The following SMARCA2 variants were observed in gnomAD, a reference collection of about 807,000 sequenced individuals.
The protein encoded by SMARCA2 is SWI/SNF related BAF chromatin remodeling complex subunit ATPase 2, also known as SWI/SNF-related matrix-associated actin-dependent regulator of chromatin subfamily A member 2.
In SMARCA2, 61 loss-of-function variants were observed where a neutral mutation model predicts 199.8. That is an observed-to-expected ratio of 0.31 (90% CI 0.25 to 0.38). The LOEUF is 0.38. Among genes scored for constraint, SMARCA2 ranks in the 10% least tolerant of loss-of-function variants. The probability of loss-of-function intolerance (pLI) is 1.00; values close to 1 mark genes in which losing one functional copy is unlikely to be tolerated. For synonymous variants in SMARCA2, 935 were observed against 732.0 expected, an observed-to-expected ratio of 1.28 and a Z score of -4.48; for missense variants, 1,344 against 2,012.2, an observed-to-expected ratio of 0.67 and a Z score of 6.35.
At position 2,119,123 on chromosome 9, in the gene SMARCA2, T is replaced by C. The variant is rs1035858872; in HGVS notation, c.3685-335T>C. Reference sequence around the variant, plus strand: ...CTTATTAAAATCTTACATCCCCATGTGAAATAGATGTCATACCCATATGAC... The same window carrying C: ...CTTATTAAAATCTTACATCCCCATGCGAAATAGATGTCATACCCATATGAC... On this transcript the variant is annotated intron_variant, in intron 25 of 33. Coordinates refer to ENST00000349721, the MANE Select transcript of SMARCA2 (RefSeq NM_003070.5). The surrounding 1 kb of genome is among the most constrained non-coding windows in gnomAD (Gnocchi z 4.6). Among the ~76,000 whole-genome samples the C allele has an allele frequency of 1.1e-4, 17 of 152,184 alleles. No individual in the cohort carries two copies. Among genetic ancestry groups the C allele is most frequent in the African/African-American group, 4.1e-4 (17 of 41,436 alleles).
intron 18 of SMARCA2, 82 bp downstream of exon 18, chr9:2,087,153 C>A: frequency 6.5e-7 from 1 of 1,529,040 alleles, no homozygotes; most frequent in South Asian, 1.2e-5. Flanking sequence ...ATTAGAGCCA[C>A]AGAACACCCG....
chr9:2,182,478 CTTTTT>C (rs145095906), intron 31 of SMARCA2, among the ~76,000 whole-genome samples: 1,290 of 96,710 alleles, frequency 0.013, 14 homozygotes, highest in Middle Eastern at 0.022. Context: ...AGCTTATAGT[CTTTTT>C]TTTTTTTTTT....
rs750412544 is a variant in SMARCA2, at chr9:2,070,457, G to A, written c.1732G>A (p.Gly578Arg). The part of the protein sequence containing the change: ...ENAEGGESAL[G>R]PDGEPIDESS... ...TGCAGAGGGTGGGGAGTCTGCCCTG[G>A]GACCGGATGGAGAGGTAAGGGATCG... The change falls in exon 10 of 34, where the codon GGA becomes AGA. Residue 578 changes from glycine to arginine, a missense_variant. Gly to Arg is a moderately radical substitution (Grantham distance 125). Around this residue, in one of 18 missense-constraint regions of SMARCA2, gnomAD observed 68 missense variants for 70.4 expected, o/e 0.97. Coordinates refer to ENST00000349721, the MANE Select transcript of SMARCA2 (RefSeq NM_003070.5). The A allele has an allele frequency of 6.2e-7, 1 of 1,613,564 alleles. No homozygotes were observed. The highest frequency in any genetic ancestry group is 8.5e-7 in the Non-Finnish European group (1 of 1,179,576).
At chr9:2,152,538 G>A (rs1400351309) in intron 27 of SMARCA2, among the ~76,000 whole-genome samples, 2 of 151,846 alleles carry the variant, frequency 1.3e-5, no homozygotes, top group Non-Finnish European at 2.9e-5. Flanking sequence ...GGGCAACAGA[G>A]CGAGACTCCA....
At chr9:2,097,590 G>A (rs927279449) in intron 21 of SMARCA2, 119 bp downstream of exon 21, 2 of 624,508 alleles carry the variant, frequency 3.2e-6, no homozygotes, top group Non-Finnish European at 5.6e-6. Context: ...GTTGGCGGAA[G>A]TTGAGATGAC....
intron 9 of SMARCA2, among the ~76,000 whole-genome samples, chr9:2,061,399 T>C (rs115060853): frequency 0.01 from 1,543 of 152,330 alleles, 20 homozygotes; most frequent in African/African-American, 0.035. Flanking sequence ...GAGGAAGATA[T>C]AAGCAATAGT....
chr9:2,023,570 A>G (rs996336667), intron 1 of SMARCA2, among the ~76,000 whole-genome samples: 1 of 152,200 alleles, frequency 6.6e-6, no homozygotes, highest in Non-Finnish European at 1.5e-5. Context: ...GACAGATCAC[A>G]TTATGCATTG....
chr9:2,047,064 C>G (rs1819882475), intron 4 of SMARCA2, among the ~76,000 whole-genome samples, 165 bp from the exon 5 acceptor site: 1 of 149,544 alleles, frequency 6.7e-6, no homozygotes, highest in Non-Finnish European at 1.5e-5. Context: ...CTCCCTCCCT[C>G]CTCTTCCTTC....
At chr9:2,099,752 A>G (rs560752385) in intron 21 of SMARCA2, among the ~76,000 whole-genome samples, 1 of 152,278 alleles carries the variant, frequency 6.6e-6, no homozygotes, top group South Asian at 2.1e-4. Flanking sequence ...TGTTCATACT[A>G]AATCCTGCCA....
intron 1 of SMARCA2, among the ~76,000 whole-genome samples, chr9:2,024,778 C>T (rs559162048): frequency 6.6e-6 from 1 of 152,176 alleles, no homozygotes; most frequent in Admixed American, 6.5e-5. Flanking sequence ...AAGATTCTGC[C>T]TGCGGTTTCT....
chr9:2,132,505 T>C (rs983992414), intron 27 of SMARCA2, among the ~76,000 whole-genome samples: 6 of 152,258 alleles, frequency 3.9e-5, no homozygotes, highest in Non-Finnish European at 8.8e-5. Flanking sequence ...GTTTGTAATA[T>C]TTGGCTGCAT....
chr9:2,031,389 A>G (rs936986124), intron 2 of SMARCA2, among the ~76,000 whole-genome samples: 3 of 152,220 alleles, frequency 2.0e-5, no homozygotes, highest in Non-Finnish European at 2.9e-5. Flanking sequence ...GATCTGATCA[A>G]TGACTTGTAA....
At chr9:2,030,328 C>T (rs1473405523) in intron 2 of SMARCA2, among the ~76,000 whole-genome samples, 1 of 152,088 alleles carries the variant, frequency 6.6e-6, no homozygotes, top group African/African-American at 2.4e-5. Flanking sequence ...AGTCTACAGG[C>T]TCAGACCTGA....
intron 32 of SMARCA2, among the ~76,000 whole-genome samples, 165 bp downstream of exon 32, chr9:2,186,393 C>CTCATGCTCAG (rs1455364091): frequency 4.6e-5 from 7 of 152,178 alleles, no homozygotes; most frequent in Non-Finnish European, 1.0e-4. Context: ...CTTATCCCTG[C>CTCATGCTCAG]TCATGCTCAG....
chr9:2,113,568 A>T (rs1823094900), intron 24 of SMARCA2, among the ~76,000 whole-genome samples: 2 of 152,202 alleles, frequency 1.3e-5, no homozygotes, highest in South Asian at 4.1e-4. Context: ...TTAGGGACTC[A>T]AGCTCACATT....
At chr9:2,144,873 G>A (rs1824652345) in intron 27 of SMARCA2, among the ~76,000 whole-genome samples, 1 of 152,188 alleles carries the variant, frequency 6.6e-6, no homozygotes, top group African/African-American at 2.4e-5. Flanking sequence ...TCCAGACTTA[G>A]TGGTGCCTGG....
At chr9:2,067,863 A>G (rs756470842) in intron 9 of SMARCA2, among the ~76,000 whole-genome samples, 1 of 152,254 alleles carries the variant, frequency 6.6e-6, no homozygotes, top group Non-Finnish European at 1.5e-5. Context: ...ATAACAATCT[A>G]GCTAGTCTAT....
intron 31 of SMARCA2, among the ~76,000 whole-genome samples, chr9:2,184,926 G>T (rs752023450): frequency 4.3e-4 from 66 of 151,862 alleles, no homozygotes; most frequent in Non-Finnish European, 8.4e-4. Context: ...GGTGCAAACT[G>T]CAATTTGCCC....
intron 1 of SMARCA2, chr9:2,015,837 C>T (rs1401898092): frequency 6.6e-6 from 1 of 152,374 alleles, no homozygotes; most frequent in African/African-American, 2.4e-5. Context: ...GTTGCAATCC[C>T]CCCATCCCCT....
Sources: gnomAD v4.1 joint callset for allele counts (sites outside exome capture counted in the v4.1 genomes callset) on GRCh38, gnomAD v4.1.1 for gene constraint, gnomAD v4.1.1 regional missense constraint, Gnocchi (gnomAD v3.1) non-coding constraint, MANE v1.5 for transcripts, NCBI Gene and HGNC (gene_info 2026-07-23, HGNC 2026-07-21) for gene names.